The following EGF variants were observed in gnomAD, a reference collection of about 807,000 sequenced individuals.
EGF encodes the protein epidermal growth factor.
In EGF, 95 loss-of-function variants were observed where a neutral mutation model predicts 143.8. The ratio of observed to expected loss-of-function variants is 0.66; its 90% CI spans 0.56 to 0.78. The LOEUF is 0.78. Among genes scored for constraint, EGF ranks in the 30% least tolerant of loss-of-function variants. The probability of loss-of-function intolerance (pLI) is 0.00; values close to 1 mark genes in which losing one functional copy is unlikely to be tolerated. For missense variants in EGF, 1,320 were observed against 1,470.9 expected (o/e 0.90, Z 1.68); for synonymous variants, 510 against 510.5 (o/e 1.00, Z 0.01).
At position 109,915,418 on chromosome 4, in the gene EGF, A is replaced by C. The variant is rs558132730; in HGVS notation, c.127+1956A>C. Among the ~76,000 whole-genome samples the C allele has an allele frequency of 4.6e-5, 7 of 152,280 alleles. No individual in the cohort carries two copies. In the East Asian group the frequency reaches 1.2e-3, roughly 25 times the overall value. ...CCTCCTGGGCTCCACGTCTTGGCTA[A>C]ATCTCTGATCAAGTCATACGATGAG... On this transcript the variant is annotated intron_variant, in intron 1 of 23. Transcript: ENST00000265171.
rs543411535 is a variant in EGF at position 109,984,067 on chromosome 4, C to G, written c.2491+526C>G. Among the ~76,000 whole-genome samples, 13 of 152,278 alleles carry G rather than the reference C, an allele frequency of 8.5e-5. No individual in the cohort carries two copies. In the South Asian group the frequency reaches 2.3e-3, roughly 27 times the overall value. On this transcript the variant is annotated intron_variant, in intron 16 of 23. Transcript: ENST00000265171. Reference sequence around the variant, plus strand: ...ACAACTTTAGGGAACTTAAGTCTTTCTTGTTCCATATTCACCTAGGAGGTC... The same window carrying G: ...ACAACTTTAGGGAACTTAAGTCTTTGTTGTTCCATATTCACCTAGGAGGTC...
intron 21 of EGF, among the ~76,000 whole-genome samples, chr4:110,000,407 A>T (rs1185746898): frequency 6.6e-6 from 1 of 152,150 alleles, no homozygotes; most frequent in African/African-American, 2.4e-5. Context: ...TATCAATCAC[A>T]ATATGGTTTT....
Position 109,968,971 on chromosome 4 carries a change from A to G in EGF, c.1576A>G (p.Ile526Val), listed in dbSNP as rs538393316. ...ALDHDPVENK[I>V]YFAHTALKWI... ...GAAATGCCTGTGTTCTCTTTTGTAG[A>G]TATACTTTGCCCATACAGCCCTGAA... The change falls in exon 11 of 24, where the codon ATA (isoleucine) becomes GTA (valine). Residue 526 changes from isoleucine (I) to valine (V), a missense_variant and splice_region_variant. Physicochemically the swap from Ile to Val is conservative, Grantham distance 29. Around this residue, in one of 5 missense-constraint regions of EGF, gnomAD observed 1,186 missense variants for 1,313.7 expected, o/e 0.90. Transcript: ENST00000265171. 37 of 1,614,094 alleles carry G rather than the reference A, an allele frequency of 2.3e-5. No homozygotes were observed. The highest frequency in any genetic ancestry group is 3.1e-5 in the Non-Finnish European group (36 of 1,179,984).
intron 13 of EGF, among the ~76,000 whole-genome samples, chr4:109,977,904 G>A (rs187001368): frequency 6.6e-6 from 1 of 152,218 alleles, no homozygotes; most frequent in East Asian, 1.9e-4. Context: ...GACATAAAAA[G>A]GTAGAAAGGA....
chr4:109,971,215 A>G (rs1747598027), intron 11 of EGF, among the ~76,000 whole-genome samples: 1 of 152,204 alleles, frequency 6.6e-6, no homozygotes, highest in African/African-American at 2.4e-5. Context: ...AGTCATAAAG[A>G]TGTACCACCG....
intron 11 of EGF, 122 bp downstream of exon 11, chr4:109,969,241 A>T: frequency 2.3e-6 from 3 of 1,319,868 alleles, no homozygotes; most frequent in Non-Finnish European, 3.2e-6. Flanking sequence ...TTGGGATTGG[A>T]GAAAAGAGGC....
At chr4:109,929,056 A>C (rs1739242266) in intron 1 of EGF, among the ~76,000 whole-genome samples, 1 of 152,228 alleles carries the variant, frequency 6.6e-6, no homozygotes, top group Non-Finnish European at 1.5e-5. Flanking sequence ...GACCTGCTTT[A>C]TAATTAATTA....
At chr4:109,983,353 TAAATG>T in intron 15 of EGF, 64 bp from the exon 16 acceptor site, 1 of 1,551,556 alleles carries the variant, frequency 6.4e-7, no homozygotes, top group Non-Finnish European at 8.8e-7. Context: ...GTCGTAAACA[TAAATG>T]AAATCAAACT....
chr4:109,940,054 G>T (rs533428106), intron 1 of EGF, among the ~76,000 whole-genome samples: 8 of 152,288 alleles, frequency 5.3e-5, no homozygotes, highest in African/African-American at 1.9e-4. Flanking sequence ...CAGGCAAGCT[G>T]TGTGTGGAGT....
At chr4:109,938,394 G>T (rs1324175365) in intron 1 of EGF, among the ~76,000 whole-genome samples, 4 of 152,166 alleles carry the variant, frequency 2.6e-5, no homozygotes, top group African/African-American at 9.7e-5. Context: ...CTACACTGTT[G>T]ATTCTAGTTA....
Position 109,913,190 on chromosome 4 carries a change from C to T in EGF, c.-146C>T, listed in dbSNP as rs1162501640. On this transcript the variant is annotated 5_prime_UTR_variant, in exon 1 of 24. Coordinates refer to ENST00000265171, the MANE Select transcript of EGF (RefSeq NM_001963.6). ...GTTGAAGAAAGAGCTTGGAGGACAA[C>T]AGCACAACAGGAGAGTAAAAGATGC... is the stretch of plus-strand genomic sequence containing the variant. 1.5e-5 allele frequency: 14 copies of T among 935,908 alleles called. 1 individual carries two copies. The Admixed American group carries it at 2.1e-4, about 14-fold the overall frequency. The allele number at this position is 935,908 out of a possible 1,614,324, so 58.0% of individuals were successfully genotyped here.
At chr4:109,944,222 G>A (rs11098056) in intron 4 of EGF, among the ~76,000 whole-genome samples, 153 bp downstream of exon 4, 2 of 151,996 alleles carry the variant, frequency 1.3e-5, no homozygotes, top group Non-Finnish European at 2.9e-5. Flanking sequence ...GGCGGATCAC[G>A]AGGTCAGGAG....
chr4:109,913,270 C>A lies in EGF; in HGVS notation c.-66C>A. ...CGCATCTGGGGTCAATCATACTCAC[C>A]TTGCCCGGGCCATGCTCCAGCAAAA... On this transcript the variant is annotated 5_prime_UTR_variant, in exon 1 of 24. Transcript: ENST00000265171. The A allele has an allele frequency of 6.2e-7, 1 of 1,605,010 alleles. No homozygotes were observed. The highest frequency in any genetic ancestry group is 8.5e-7 in the Non-Finnish European group (1 of 1,174,702).
rs114538800 is a variant in EGF, at chr4:109,922,217, T to G, written c.127+8755T>G. 1.0e-2 allele frequency among the ~76,000 whole-genome samples: 1,513 copies of G among 151,852 alleles called. 23 individuals are homozygous for G. Among genetic ancestry groups the G allele is most frequent in the Non-Finnish European group, 0.018 (1,251 of 68,034 alleles). On this transcript the variant is annotated intron_variant, in intron 1 of 23. Coordinates refer to ENST00000265171, the MANE Select transcript of EGF (RefSeq NM_001963.6). ...CTAAGTGGATCAAAAGGCTTATTAT[T>G]TTTTGGAAGACAAATTTGAAAAACC...
chr4:109,944,366 G>A lies in EGF; in HGVS notation c.737+297G>A, dbSNP rs528747099. ...AGGCAGGAGAATGGCGAGAACCCGGGAGGCGGAGCTTGCAGTGAGCCGATA... is the reference window on the plus strand; with the variant it reads ...AGGCAGGAGAATGGCGAGAACCCGGAAGGCGGAGCTTGCAGTGAGCCGATA... On this transcript the variant is annotated intron_variant, in intron 4 of 23. Transcript: ENST00000265171. Among the ~76,000 whole-genome samples, 253 of 152,282 alleles carry A rather than the reference G, an allele frequency of 1.7e-3. No individual in the cohort carries two copies. The Middle Eastern group carries it at 0.017, about 10-fold the overall frequency.
At chr4:109,965,718 A>C (rs889584890) in intron 10 of EGF, among the ~76,000 whole-genome samples, 38 of 152,090 alleles carry the variant, frequency 2.5e-4, no homozygotes, top group African/African-American at 8.9e-4. Context: ...CAACACCTGG[A>C]GATTATTAGA....
At chr4:109,971,736 A>G (rs1247330767) in intron 11 of EGF, among the ~76,000 whole-genome samples, 2 of 152,212 alleles carry the variant, frequency 1.3e-5, no homozygotes, top group Non-Finnish European at 2.9e-5. Context: ...AAACCTTGAT[A>G]TTACCTAGAA....
intron 5 of EGF, among the ~76,000 whole-genome samples, chr4:109,954,463 T>G (rs1394400394): frequency 6.6e-6 from 1 of 152,198 alleles, no homozygotes; most frequent in African/African-American, 2.4e-5. Flanking sequence ...TAGGTGATTT[T>G]TTTCTTTTTT....
Position 109,963,423 on chromosome 4 carries a change from C to T in EGF, c.1438+125C>T, listed in dbSNP as rs1366263593. On this transcript the variant is annotated intron_variant, in intron 9 of 23. Coordinates refer to ENST00000265171, the MANE Select transcript of EGF (RefSeq NM_001963.6). The stretch of plus-strand genomic sequence containing the variant: ...TTTGAAATGGAAAAAAAGCAAATCA[C>T]ATTGTAAATATGAATAATATGAGTA... The T allele has an allele frequency of 2.0e-5, 24 of 1,226,998 alleles. No individual in the cohort carries two copies. The East Asian group carries it at 5.4e-4, about 27-fold the overall frequency. 76.0% of individuals were successfully genotyped at this position (1,226,998 alleles called of 1,614,324 possible).
Sources: allele counts gnomAD v4.1 joint callset (sites outside exome capture counted in the v4.1 genomes callset), GRCh38; gene constraint gnomAD v4.1.1; regional missense constraint gnomAD v4.1.1; transcripts MANE v1.5; gene names NCBI Gene and HGNC (gene_info 2026-07-23, HGNC 2026-07-21).